Variants in NAALADL2 observed in about 807,000 individuals in gnomAD.
NAALADL2 encodes the protein N-acetylated alpha-linked acidic dipeptidase like 2.
Under a neutral mutation model 87.2 loss-of-function variants are expected in NAALADL2, and 76 were observed. The ratio of observed to expected loss-of-function variants is 0.87; its 90% CI spans 0.72 to 1.05. The LOEUF (loss-of-function observed/expected upper bound fraction) is 1.05. Among genes scored for constraint, NAALADL2 ranks in the 50% least tolerant of loss-of-function variants. NAALADL2 has a pLI of 0.00. For missense variants in NAALADL2, 1,089 were observed against 945.8 expected, an observed-to-expected ratio of 1.15 and a Z score of -1.99; for synonymous variants, 354 against 331.0, an observed-to-expected ratio of 1.07 and a Z score of -0.75.
At chr3:175,443,293 G>A (rs904134736) in intron 5 of NAALADL2, among the ~76,000 whole-genome samples, 19 of 152,168 alleles carry the variant, frequency 1.2e-4, no homozygotes, top group Admixed American at 2.0e-4. Context: ...TTCAATTATG[G>A]TTTAGGGTTC....
chr3:175,220,232 C>T (rs1050253253), intron 2 of NAALADL2, among the ~76,000 whole-genome samples: 2 of 151,780 alleles, frequency 1.3e-5, no homozygotes, highest in Non-Finnish European at 2.9e-5. Context: ...TTTGTTGCCT[C>T]ATAAAAAGTT....
chr3:174,617,015 TA>T (rs1560095952), intron 2 of NAALADL2, among the ~76,000 whole-genome samples: 1 of 151,776 alleles, frequency 6.6e-6, no homozygotes, highest in African/African-American at 2.4e-5. Context: ...AGGAAGTGAC[TA>T]AAATAATATG....
intron 2 of NAALADL2, among the ~76,000 whole-genome samples, chr3:175,138,914 A>G (rs1423660424): frequency 7.0e-6 from 1 of 142,176 alleles, no homozygotes; most frequent in Non-Finnish European, 1.5e-5. Flanking sequence ...ATATATATAT[A>G]TATATATATA....
chr3:175,666,836 G>A (rs1733067736), intron 11 of NAALADL2, among the ~76,000 whole-genome samples: 1 of 151,924 alleles, frequency 6.6e-6, no homozygotes, highest in East Asian at 1.9e-4. Context: ...CTGTTTTTAA[G>A]TAGGCTTAGA....
chr3:174,606,389 T>G (rs1036048237), intron 2 of NAALADL2, among the ~76,000 whole-genome samples: 1 of 152,008 alleles, frequency 6.6e-6, no homozygotes, highest in Non-Finnish European at 1.5e-5. Flanking sequence ...AGGAGCAAAT[T>G]CAAACCAAAG....
At chr3:175,797,415 CT>C (rs1211813694) in intron 13 of NAALADL2, among the ~76,000 whole-genome samples, 14 of 152,192 alleles carry the variant, frequency 9.2e-5, no homozygotes, top group African/African-American at 1.2e-4. Context: ...TGAATTAGAT[CT>C]ATGCTAACAC....
intron 3 of NAALADL2, among the ~76,000 whole-genome samples, chr3:175,252,023 G>C (rs1309046126): frequency 6.6e-6 from 1 of 152,154 alleles, no homozygotes; most frequent in Non-Finnish European, 1.5e-5. Context: ...GAGTTGAAGA[G>C]CTATTTAATT....
intron 11 of NAALADL2, among the ~76,000 whole-genome samples, chr3:175,719,228 A>T (rs1477874372): frequency 6.6e-6 from 1 of 152,094 alleles, no homozygotes; most frequent in African/African-American, 2.4e-5. Flanking sequence ...TTACAAAAAA[A>T]AAAAAGGAAA....
intron 2 of NAALADL2, among the ~76,000 whole-genome samples, chr3:174,697,212 G>T (rs987923891): frequency 6.6e-5 from 10 of 152,186 alleles, no homozygotes; most frequent in African/African-American, 2.2e-4. Context: ...AACAATCATT[G>T]CCTCTTCTGG....
intron 2 of NAALADL2, among the ~76,000 whole-genome samples, chr3:175,122,224 A>C (rs1232879086): frequency 1.3e-5 from 2 of 151,864 alleles, no homozygotes; most frequent in African/African-American, 2.4e-5. Flanking sequence ...GCCATTCTGC[A>C]TACTGGTTGA....
chr3:175,177,937 A>T (rs910606118), intron 2 of NAALADL2, among the ~76,000 whole-genome samples: 12 of 151,216 alleles, frequency 7.9e-5, no homozygotes, highest in African/African-American at 2.7e-4. Flanking sequence ...GTCTATTAAT[A>T]GGCTGTGAAT....
intron 2 of NAALADL2, among the ~76,000 whole-genome samples, chr3:174,634,203 TA>T (rs1443237455): frequency 6.6e-6 from 1 of 152,146 alleles, no homozygotes; most frequent in Non-Finnish European, 1.5e-5. Flanking sequence ...TAGAAAATAT[TA>T]ATACCCTTTC....
intron 5 of NAALADL2, among the ~76,000 whole-genome samples, chr3:175,397,813 A>G (rs1310607757): frequency 6.6e-6 from 1 of 152,162 alleles, no homozygotes; most frequent in East Asian, 1.9e-4. Context: ...TTACAGTTTC[A>G]TAGCCCTTGA....
intron 5 of NAALADL2, among the ~76,000 whole-genome samples, chr3:175,357,008 C>T (rs987733291): frequency 2.8e-4 from 43 of 152,100 alleles, no homozygotes; most frequent in Non-Finnish European, 7.4e-5. Flanking sequence ...TCTTTGCTTA[C>T]GTTATTTTCA....
At chr3:174,464,803 A>T (rs891251806) in intron 1 of NAALADL2, among the ~76,000 whole-genome samples, 1 of 152,026 alleles carries the variant, frequency 6.6e-6, no homozygotes, top group Non-Finnish European at 1.5e-5. Flanking sequence ...GTACTCTAAG[A>T]TGTCCTATTA....
chr3:174,947,827 TATTATA>T (rs1201634374), intron 1 of NAALADL2, among the ~76,000 whole-genome samples: 18 of 152,086 alleles, frequency 1.2e-4, no homozygotes, highest in Non-Finnish European at 1.0e-4. Context: ...GTGTCTAAAT[TATTATA>T]ATTATTATTT....
intron 2 of NAALADL2, among the ~76,000 whole-genome samples, chr3:174,574,947 G>T (rs1006229465): frequency 5.9e-5 from 9 of 151,730 alleles, no homozygotes; most frequent in African/African-American, 1.9e-4. Flanking sequence ...TTCCAGTTTC[G>T]GGCTGTTATG....
At chr3:174,921,804 C>CA (rs546555666) in intron 1 of NAALADL2, among the ~76,000 whole-genome samples, 794 of 42,042 alleles carry the variant, frequency 0.019, 11 homozygotes, top group East Asian at 0.03. Context: ...GACTCCGTCT[C>CA]AAAAAAAAAA....
rs1259408221 is a variant in NAALADL2, at chr3:175,807,656, T to A, written c.*4453T>A. On this transcript the variant is annotated 3_prime_UTR_variant, in exon 14 of 14. Transcript: ENST00000454872. ...TATTCCAATAAATATATCAGCAATA[T>A]AACAGTTTCATCATGGGACCATGGA... 6.6e-6 allele frequency: 1 copy of A among 151,888 alleles called. No individual in the cohort carries two copies. Among genetic ancestry groups the A allele is most frequent in the South Asian group, 2.1e-4 (1 of 4,834 alleles). The allele number at this position is 151,888 out of a possible 1,614,324, so 9.4% of individuals were successfully genotyped here.
Sources: allele counts gnomAD v4.1 joint callset (sites outside exome capture counted in the v4.1 genomes callset), GRCh38; gene constraint gnomAD v4.1.1; transcripts MANE v1.5; gene names NCBI Gene and HGNC (gene_info 2026-07-23, HGNC 2026-07-21).